DNAAF5: variants seen among roughly 807,000 people sequenced by gnomAD.
DNAAF5 encodes dynein axonemal assembly factor 5.
Under a neutral mutation model 75.8 loss-of-function variants are expected in DNAAF5, and 64 were observed. The observed-to-expected ratio is 0.84, with a 90% CI of 0.69 to 1.04. DNAAF5 has a LOEUF of 1.04. Ranked by LOEUF, DNAAF5 falls within the 50% of genes least tolerant of loss-of-function variation. The pLI, the probability that DNAAF5 is intolerant of heterozygous loss-of-function variation, is 0.00. For synonymous variants in DNAAF5, 657 were observed against 557.2 expected, an observed-to-expected ratio of 1.18 and a Z score of -2.52; for missense variants, 1,269 against 1,178.5, an observed-to-expected ratio of 1.08 and a Z score of -1.12.
At chr7:737,156 C>T (rs1191164334) in intron 2 of DNAAF5, among the ~76,000 whole-genome samples, 2 of 152,014 alleles carry the variant, frequency 1.3e-5, no homozygotes, top group South Asian at 2.1e-4. Flanking sequence ...AGTGCAATGG[C>T]GCCATCTCAG....
intron 2 of DNAAF5, chr7:732,689 G>T (rs987408418): frequency 1.8e-5 from 8 of 451,424 alleles, no homozygotes; most frequent in Non-Finnish European, 3.6e-5. Context: ...CGCGTTATTA[G>T]ATTTTTTTCT....
Position 727,144 on chromosome 7 carries a change from C to CGCCTGGCGCTTGTGCAGCTGCTGG in DNAAF5, c.432_455dup (p.Leu145_Ala152dup). On this transcript the variant is annotated inframe_insertion, in exon 1 of 13. Coordinates refer to ENST00000297440, the MANE Select transcript of DNAAF5 (RefSeq NM_017802.4). ...CCCGCCCGAGGCCTGTGAGGAGCTGCGCCTGGCGCTTGTGCAGCTGCTGGG... is the reference window on the plus strand; with the variant it reads ...CCCGCCCGAGGCCTGTGAGGAGCTGCGCCTGGCGCTTGTGCAGCTGCTGGGCCTGGCGCTTGTGCAGCTGCTGGG... 1 of 1,251,290 alleles carries CGCCTGGCGCTTGTGCAGCTGCTGG rather than the reference C, an allele frequency of 8.0e-7. No individual in the cohort carries two copies. Among genetic ancestry groups the CGCCTGGCGCTTGTGCAGCTGCTGG allele is most frequent in the Non-Finnish European group, 1.0e-6 (1 of 994,400 alleles). 77.5% of individuals were successfully genotyped at this position (1,251,290 alleles called of 1,614,324 possible).
intron 4 of DNAAF5, among the ~76,000 whole-genome samples, chr7:745,505 AC>A (rs2128074574): frequency 6.6e-6 from 1 of 152,252 alleles, no homozygotes; most frequent in East Asian, 1.9e-4. Context: ...TATCGCACAC[AC>A]GTGCACATAT....
chr7:769,495 G>A (rs1457337411), intron 8 of DNAAF5, among the ~76,000 whole-genome samples: 1 of 152,188 alleles, frequency 6.6e-6, no homozygotes, highest in African/African-American at 2.4e-5. Context: ...GAGCAGCCAC[G>A]GTGCAGGAGC....
intron 2 of DNAAF5, among the ~76,000 whole-genome samples, chr7:733,929 A>C (rs1447887360): frequency 1.3e-5 from 2 of 152,238 alleles, no homozygotes; most frequent in Non-Finnish European, 2.9e-5. Flanking sequence ...TGGCATGTAG[A>C]AATGCTACTG....
At chr7:760,834 C>T (rs914429248) in intron 6 of DNAAF5, among the ~76,000 whole-genome samples, 12 of 152,288 alleles carry the variant, frequency 7.9e-5, no homozygotes, top group Middle Eastern at 3.4e-3. Context: ...GCTGAGACTC[C>T]ACCTCCCCGT....
chr7:757,495 C>G (rs6463949), intron 6 of DNAAF5, among the ~76,000 whole-genome samples: 1 of 152,080 alleles, frequency 6.6e-6, no homozygotes, highest in Non-Finnish European at 1.5e-5. Context: ...GGGGCACTGA[C>G]AGCCTGTTCC....
At chr7:763,258 G>C (rs953126950) in intron 7 of DNAAF5, among the ~76,000 whole-genome samples, 1 of 152,164 alleles carries the variant, frequency 6.6e-6, no homozygotes, top group Non-Finnish European at 1.5e-5. Flanking sequence ...ACGAAGCCAG[G>C]TAGCCCCAGA....
chr7:763,243 G>A (rs181715152), intron 7 of DNAAF5, among the ~76,000 whole-genome samples: 2 of 152,174 alleles, frequency 1.3e-5, no homozygotes, highest in Non-Finnish European at 2.9e-5. Context: ...TGCTGGTCAT[G>A]GGGGACGAAG....
intron 7 of DNAAF5, among the ~76,000 whole-genome samples, chr7:762,881 T>C (rs1052418369): frequency 6.6e-6 from 1 of 152,192 alleles, no homozygotes; most frequent in Non-Finnish European, 1.5e-5. Flanking sequence ...CCCAAAGGGC[T>C]GGGATCATAG....
At chr7:784,550 C>T (rs763795079) in intron 12 of DNAAF5, among the ~76,000 whole-genome samples, 1 of 152,176 alleles carries the variant, frequency 6.6e-6, no homozygotes, top group Non-Finnish European at 1.5e-5. Context: ...CCCTTTCTGG[C>T]CCCCACCCCT....
rs1483640360 is a variant in DNAAF5 at position 740,725 on chromosome 7, G to A, written c.781-94G>A. The A allele has an allele frequency of 2.6e-6, 4 of 1,530,414 alleles. No individual in the cohort carries two copies. In the African/African-American group the frequency reaches 5.4e-5, roughly 21 times the overall value. The allele number at this position is 1,530,414 out of a possible 1,614,324, so 94.8% of individuals were successfully genotyped here. A position where few individuals can be genotyped will look rare whatever the true frequency, so the allele number is the denominator to read the frequency against. Reference sequence around the variant, plus strand: ...CCTGGCCGTGCCTCTGCCTCAGGCAGCGTCCGTATGGCAGCACTCAGAGCC... The same window carrying A: ...CCTGGCCGTGCCTCTGCCTCAGGCAACGTCCGTATGGCAGCACTCAGAGCC... On this transcript the variant is annotated intron_variant, in intron 2 of 12. Coordinates refer to ENST00000297440, the MANE Select transcript of DNAAF5 (RefSeq NM_017802.4).
chr7:767,652 C>T (rs1209262579), intron 8 of DNAAF5, among the ~76,000 whole-genome samples: 2 of 152,204 alleles, frequency 1.3e-5, no homozygotes, highest in Non-Finnish European at 2.9e-5. Flanking sequence ...GAAGCCAGTG[C>T]AGAAGTGTCC....
At chr7:757,176 G>A (rs965638578) in intron 6 of DNAAF5, among the ~76,000 whole-genome samples, 182 bp downstream of exon 6, 12 of 152,252 alleles carry the variant, frequency 7.9e-5, no homozygotes, top group African/African-American at 2.9e-4. Context: ...AACACCTGCA[G>A]TAACCGGAGT....
chr7:772,826 C>G (rs1014545940), intron 9 of DNAAF5: 8 of 152,146 alleles, frequency 5.3e-5, no homozygotes, highest in African/African-American at 1.9e-4. Flanking sequence ...CCAGCCTGGG[C>G]AGCAAGAGCG....
chr7:746,520 C>T (rs1782115785), intron 4 of DNAAF5, among the ~76,000 whole-genome samples: 1 of 137,232 alleles, frequency 7.3e-6, no homozygotes, highest in Admixed American at 7.2e-5. Flanking sequence ...CCGTCCTGCC[C>T]TGTCCAGCGT....
chr7:780,961 C>T (rs1307043317), intron 12 of DNAAF5, among the ~76,000 whole-genome samples: 1 of 151,598 alleles, frequency 6.6e-6, no homozygotes, highest in African/African-American at 2.4e-5. Context: ...GTGATACAGG[C>T]ATGCAGTGTG....
In DNAAF5 at chr7:754,463, C is replaced by G. The variant is rs1782419229; in HGVS notation, c.1025-126C>G. On this transcript the variant is annotated intron_variant, in intron 4 of 12. Transcript: ENST00000297440. The surrounding 1 kb of genome is among the most constrained non-coding windows in gnomAD (Gnocchi z 4.8). ...GGCATTTGTCAGCTTTGCGTCCACC[C>G]CAAGACTTGTTTTGAAATGGTGAGG... 1.2e-6 allele frequency: 1 copy of G among 827,582 alleles called. No individual in the cohort carries two copies. The highest frequency in any genetic ancestry group is 1.6e-5 in the South Asian group (1 of 63,462). The allele number at this position is 827,582 out of a possible 1,614,324, so 51.3% of individuals were successfully genotyped here.
chr7:767,232 C>T (rs924669800), intron 8 of DNAAF5, among the ~76,000 whole-genome samples: 10 of 125,494 alleles, frequency 8.0e-5, no homozygotes, highest in African/African-American at 9.6e-5. Context: ...GAGCGAGACT[C>T]GGTCTCAAAA....
Sources: allele counts gnomAD v4.1 joint callset (sites outside exome capture counted in the v4.1 genomes callset), GRCh38; gene constraint gnomAD v4.1.1; non-coding constraint Gnocchi (gnomAD v3.1); transcripts MANE v1.5; gene names NCBI Gene and HGNC (gene_info 2026-07-23, HGNC 2026-07-21).